TLE5: variants seen among roughly 807,000 people sequenced by gnomAD.
TLE5 encodes the protein TLE family member 5.
A neutral mutation model predicts 25.8 loss-of-function variants in TLE5; 7 were observed. The observed-to-expected ratio is 0.27, with a 90% CI of 0.15 to 0.51. The LOEUF (loss-of-function observed/expected upper bound fraction) is 0.51. TLE5 is among the 20% of genes least tolerant of loss of function. The pLI is 0.97. For missense variants in TLE5, 149 were observed against 250.7 expected, an observed-to-expected ratio of 0.59 and a Z score of 2.74; for synonymous variants, 132 against 110.5, an observed-to-expected ratio of 1.20 and a Z score of -1.22.
chr19:3,061,356 C>T (rs112386926), intron 1 of TLE5, 99 bp from the exon 2 acceptor site: 84,800 of 868,902 alleles, frequency 0.098, 4,787 homozygotes, highest in Non-Finnish European at 0.12. Context: ...GGCGCCCCCC[C>T]TCCTGCCCCA....
chr19:3,058,000 T>TA, intron 2 of TLE5, among the ~76,000 whole-genome samples: 1 of 152,030 alleles, frequency 6.6e-6, no homozygotes, highest in Non-Finnish European at 1.5e-5. Flanking sequence ...GGGTTACAGA[T>TA]ATGAGCCACC....
At chr19:3,057,135 G>A (rs909873364) in intron 3 of TLE5, among the ~76,000 whole-genome samples, 2 of 152,198 alleles carry the variant, frequency 1.3e-5, no homozygotes, top group East Asian at 1.9e-4. Context: ...CCAGGCCAAG[G>A]GTGGGTAAGG....
At chr19:3,062,810 C>T (rs2090284152), upstream of TLE5, 2 of 1,550,450 alleles carry the variant, frequency 1.3e-6, no homozygotes, top group East Asian at 2.4e-5. Context: ...GTGCCACGGA[C>T]GTGCTCTGTG....
chr19:3,058,978 C>T (rs1443902859), intron 2 of TLE5, among the ~76,000 whole-genome samples: 1 of 152,214 alleles, frequency 6.6e-6, no homozygotes, highest in Non-Finnish European at 1.5e-5. Flanking sequence ...TGAGGTACCA[C>T]TAACAACCTC....
chr19:3,057,514 C>A, intron 3 of TLE5, 165 bp downstream of exon 3: 1 of 669,428 alleles, frequency 1.5e-6, no homozygotes, highest in Non-Finnish European at 2.5e-6. Context: ...GCTAGCGAGG[C>A]AGGCTCAGCC....
At chr19:3,059,663 C>A (rs1328972831) in intron 2 of TLE5, among the ~76,000 whole-genome samples, 1 of 152,198 alleles carries the variant, frequency 6.6e-6, no homozygotes, top group Non-Finnish European at 1.5e-5. Flanking sequence ...TAGGGTCCCT[C>A]GTTGGACAGC....
rs1599266570 is a variant in TLE5 at position 3,053,675 on chromosome 19, G to A, written c.*144C>T. 3.1e-6 allele frequency: 3 copies of A among 954,086 alleles called. No homozygotes were observed. Among genetic ancestry groups the A allele is most frequent in the Non-Finnish European group, 4.6e-6 (3 of 656,752 alleles). 59.1% of individuals were successfully genotyped at this position (954,086 alleles called of 1,614,324 possible). A position where few individuals can be genotyped will look rare whatever the true frequency, so the allele number is the denominator to read the frequency against. ...TAGAGGTGGCCTGCAAGCTGGGCTG[G>A]GGCCCCCGCCGGCGGCCACCATAAA... On this transcript the variant is annotated 3_prime_UTR_variant, in exon 7 of 7. Transcript: ENST00000327141.
intron 5 of TLE5, chr19:3,054,551 T>C (rs1463653370): frequency 2.6e-6 from 1 of 378,974 alleles, no homozygotes; most frequent in Non-Finnish European, 5.0e-6. Context: ...TGTGAATGTT[T>C]GTGCAGTACA....
At position 3,061,256 on chromosome 19, in the gene TLE5, C is replaced by A. The variant is rs1234299009; in HGVS notation, c.29G>T (p.Gly10Val). Residue 10 changes from glycine to valine, a missense_variant and splice_region_variant, in exon 2 of 7, where the codon GGC becomes GTC. Gly to Val is a moderately radical substitution (Grantham distance 109). Coordinates refer to ENST00000327141, the MANE Select transcript of TLE5 (RefSeq NM_001130.6). MMFPQSRHSGSSHLPQQLKF... is the reference protein window; with the variant it reads MMFPQSRHSVSSHLPQQLKF... ...GAGTTGCTGGGGTAGGTGCGAGGAG[C>A]CCTGTAGGGATGGGGCGGCCCGGGT... is the stretch of plus-strand genomic sequence containing the variant. The A allele has an allele frequency of 6.2e-7, 1 of 1,612,642 alleles. No individual in the cohort carries two copies. Among genetic ancestry groups the A allele is most frequent in the South Asian group, 1.1e-5 (1 of 91,052 alleles).
intron 2 of TLE5, among the ~76,000 whole-genome samples, chr19:3,060,657 G>A (rs939025173): frequency 6.6e-6 from 1 of 152,098 alleles, no homozygotes; most frequent in African/African-American, 2.4e-5. Context: ...TTAAGTGTAA[G>A]AGGACTAAAT....
In TLE5 at chr19:3,053,866, G is replaced by C; in HGVS notation, c.547C>G (p.His183Asp). The change falls in exon 7 of 7, where the codon CAC becomes GAC. Residue 183 changes from histidine (H) to aspartate (D), a missense_variant. His to Asp is a moderately conservative substitution (Grantham distance 81). Coordinates refer to ENST00000327141, the MANE Select transcript of TLE5 (RefSeq NM_001130.6). ...TCCTCCTGGTGGGTGTCACCATCGT[G>C]CCCGTTCTTGTCTTCCTTGGAGAGG... ...AHLSKEDKNG[H>D]DGDTHQEDDG... The C allele has an allele frequency of 6.2e-7, 1 of 1,613,336 alleles. No individual in the cohort carries two copies. The highest frequency in any genetic ancestry group is 1.7e-4 in the Middle Eastern group (1 of 6,058).
At chr19:3,055,917 C>G (rs1274440191) in intron 4 of TLE5, 191 bp from the exon 5 acceptor site, 1 of 565,466 alleles carries the variant, frequency 1.8e-6, no homozygotes, top group African/African-American at 1.9e-5. Context: ...AAAGGTGGGG[C>G]TGGACACCGG....
In TLE5 at chr19:3,062,364, C is replaced by T; in HGVS notation, c.-164G>A. ...TCGCCCGCTTCCTGCGCCCCCTCCC[C>T]GCGCGCCCGGCCCCGGCGCGCCCCG... On this transcript the variant is annotated 5_prime_UTR_variant, in exon 1 of 7. Coordinates refer to ENST00000327141, the MANE Select transcript of TLE5 (RefSeq NM_001130.6). 4 of 974,298 alleles carry T rather than the reference C, an allele frequency of 4.1e-6. No individual in the cohort carries two copies. The highest frequency in any genetic ancestry group is 4.9e-6 in the Non-Finnish European group (4 of 823,430). 60.4% of individuals were successfully genotyped at this position (974,298 alleles called of 1,614,324 possible).
chr19:3,062,354 GC>G lies in TLE5; in HGVS notation c.-155del. 1 of 973,404 alleles carries G rather than the reference GC, an allele frequency of 1.0e-6. No homozygotes were observed. The highest frequency in any genetic ancestry group is 1.2e-6 in the Non-Finnish European group (1 of 823,976). 60.3% of individuals were successfully genotyped at this position (973,404 alleles called of 1,614,324 possible). ...GCGCCCGGCCTCGCCCGCTTCCTGC[GC>G]CCCCTCCCCGCGCGCCCGGCCCCGG... On this transcript the variant is annotated 5_prime_UTR_variant, in exon 1 of 7. Transcript: ENST00000327141.
chr19:3,062,310 G>C lies in TLE5; in HGVS notation c.-110C>G, dbSNP rs1308101112. ...GTCCCGGCGCCGATCGGCAGCTCCC[G>C]GGGCCGCCGCCGCCTCCCGCGCCCG... On this transcript the variant is annotated 5_prime_UTR_variant, in exon 1 of 7. Transcript: ENST00000327141. 4 of 978,584 alleles carry C rather than the reference G, an allele frequency of 4.1e-6. No individual in the cohort carries two copies. The highest frequency in any genetic ancestry group is 4.8e-6 in the Non-Finnish European group (4 of 827,600). The allele number at this position is 978,584 out of a possible 1,614,324, so 60.6% of individuals were successfully genotyped here. A position where few individuals can be genotyped will look rare whatever the true frequency, so the allele number is the denominator to read the frequency against.
intron 4 of TLE5, 154 bp from the exon 5 acceptor site, chr19:3,055,880 C>T (rs901943520): frequency 3.9e-5 from 29 of 751,870 alleles, no homozygotes; most frequent in East Asian, 1.8e-4. Context: ...AAGCCGTGTT[C>T]GGGCCCGAGG....
At chr19:3,056,640 A>T in intron 3 of TLE5, 1 of 636,288 alleles carries the variant, frequency 1.6e-6, no homozygotes, top group East Asian at 3.3e-5. Context: ...CTCCTCCCCC[A>T]CTCCATGTGC....
At chr19:3,055,751 T>G in intron 4 of TLE5, 25 bp from the exon 5 acceptor site, 1 of 1,592,760 alleles carries the variant, frequency 6.3e-7, no homozygotes. Context: ...TGAAGCCGGC[T>G]TCAGTCCTGG....
Position 3,053,886 on chromosome 19 carries a change from G to T in TLE5, c.527C>A (p.Ser176Tyr). The T allele has an allele frequency of 6.2e-7, 1 of 1,613,280 alleles. No homozygotes were observed. The highest frequency in any genetic ancestry group is 8.5e-7 in the Non-Finnish European group (1 of 1,180,000). The part of the protein sequence containing the change: ...LSALGSQAHL[S>Y]KEDKNGHDGD... ...ATCGTGCCCGTTCTTGTCTTCCTTG[G>T]AGAGGTGGGCCTGGGAACCCAGCGC... is the stretch of plus-strand genomic sequence containing the variant. The change falls in exon 7 of 7, where the codon TCC becomes TAC. Residue 176 changes from serine (S) to tyrosine (Y), a missense_variant. Coordinates refer to ENST00000327141, the MANE Select transcript of TLE5 (RefSeq NM_001130.6).
Sources: gnomAD v4.1 joint callset for allele counts (sites outside exome capture counted in the v4.1 genomes callset) on GRCh38, gnomAD v4.1.1 for gene constraint, MANE v1.5 for transcripts, NCBI Gene and HGNC (gene_info 2026-07-23, HGNC 2026-07-21) for gene names.